The following EHBP1 variants were observed in gnomAD, a reference collection of about 807,000 sequenced individuals.
The protein encoded by EHBP1 is EH domain binding protein 1.
EHBP1 carries 55 observed loss-of-function variants against 144.0 expected under a neutral mutation model. The observed-to-expected ratio is 0.38, with a 90% CI of 0.31 to 0.48. The LOEUF (loss-of-function observed/expected upper bound fraction) is 0.48, where lower values mean the gene tolerates loss of function less well. Ranked by LOEUF, EHBP1 falls within the 20% of genes least tolerant of loss-of-function variation. EHBP1 has a pLI of 0.98. For missense variants in EHBP1, 1,200 were observed against 1,364.2 expected (o/e 0.88, Z 1.90); for synonymous variants, 469 against 472.7 (o/e 0.99, Z 0.10).
At chr2:62,953,217 C>CAAAAAAAAAAAAAAAAAAAAAAAAAA (rs35848429) in intron 13 of EHBP1, among the ~76,000 whole-genome samples, 1 of 64,492 alleles carries the variant, frequency 1.6e-5, no homozygotes, top group Non-Finnish European at 2.7e-5. Flanking sequence ...AAGTCCGTCT[C>CAAAAAAAAAAAAAAAAAAAAAAAAAA]AAAAAAAAAA....
At chr2:62,868,790 A>G (rs1306749948) in intron 9 of EHBP1, among the ~76,000 whole-genome samples, 1 of 151,982 alleles carries the variant, frequency 6.6e-6, no homozygotes, top group South Asian at 2.1e-4. Flanking sequence ...TCTTAAAAAA[A>G]AAATTTTTTT....
At chr2:62,920,590 A>G (rs1167720370) in intron 10 of EHBP1, among the ~76,000 whole-genome samples, 1 of 152,220 alleles carries the variant, frequency 6.6e-6, no homozygotes, top group African/African-American at 2.4e-5. Context: ...TGTTATTGTA[A>G]CAATGGTGTA....
chr2:62,806,847 T>C (rs1439371905), intron 5 of EHBP1, among the ~76,000 whole-genome samples: 1 of 152,152 alleles, frequency 6.6e-6, no homozygotes, highest in Admixed American at 6.5e-5. Context: ...GGAAGTACCT[T>C]ATAATAACGC....
chr2:62,975,070 C>T (rs1044984902), intron 14 of EHBP1, among the ~76,000 whole-genome samples: 1 of 152,104 alleles, frequency 6.6e-6, no homozygotes, highest in East Asian at 1.9e-4. Flanking sequence ...CTCAAAATGG[C>T]GAGAGTCTGA....
intron 5 of EHBP1, among the ~76,000 whole-genome samples, chr2:62,819,914 A>G (rs1351924299): frequency 6.6e-6 from 1 of 152,174 alleles, no homozygotes; most frequent in Non-Finnish European, 1.5e-5. Flanking sequence ...ATGAATATTA[A>G]GAACATGATG....
chr2:62,895,500 CT>C (rs896659040), intron 10 of EHBP1, among the ~76,000 whole-genome samples: 2 of 152,142 alleles, frequency 1.3e-5, no homozygotes, highest in African/African-American at 4.8e-5. Flanking sequence ...CAGTGACTTC[CT>C]TTGATAGATC....
chr2:62,695,298 C>T (rs2034046907), intron 1 of EHBP1, among the ~76,000 whole-genome samples: 1 of 152,048 alleles, frequency 6.6e-6, no homozygotes, highest in Non-Finnish European at 1.5e-5. Flanking sequence ...GAGGTCGAGG[C>T]TGCAGTGAGC....
chr2:62,764,586 A>G (rs1010035360), intron 4 of EHBP1, among the ~76,000 whole-genome samples: 2 of 152,096 alleles, frequency 1.3e-5, no homozygotes, highest in African/African-American at 4.8e-5. Context: ...ATCAGCTGAC[A>G]TAGTTCTTTT....
rs1486628266 is a variant in EHBP1 at position 62,823,708 on chromosome 2, T to C, written c.313-2379T>C. 2.0e-5 allele frequency among the ~76,000 whole-genome samples: 3 copies of C among 152,086 alleles called. No individual in the cohort carries two copies. The South Asian group carries it at 6.2e-4, about 31-fold the overall frequency. The stretch of plus-strand genomic sequence containing the variant: ...TCATTACTATTCTTCTTAAAATGTA[T>C]TTTCTGAGATAGCTAATTTTAAGGA... On this transcript the variant is annotated intron_variant, in intron 5 of 22. Coordinates refer to ENST00000431489, the MANE Select transcript of EHBP1 (RefSeq NM_001142616.3).
chr2:62,782,796 A>G (rs1023451104), intron 5 of EHBP1, among the ~76,000 whole-genome samples: 2 of 152,186 alleles, frequency 1.3e-5, no homozygotes, highest in African/African-American at 4.8e-5. Context: ...GCCAAACCAT[A>G]TCATTCAGTC....
At chr2:62,831,556 G>A (rs1047075701) in intron 7 of EHBP1, among the ~76,000 whole-genome samples, 2 of 152,164 alleles carry the variant, frequency 1.3e-5, no homozygotes, top group Non-Finnish European at 2.9e-5. Flanking sequence ...CTTGAATTAT[G>A]TGGACATTCT....
At chr2:62,973,605 A>G (rs965119447) in intron 14 of EHBP1, among the ~76,000 whole-genome samples, 1 of 152,236 alleles carries the variant, frequency 6.6e-6, no homozygotes, top group Non-Finnish European at 1.5e-5. Flanking sequence ...CATAAAGCAC[A>G]TAGCACATAA....
chr2:63,030,962 AT>A (rs2061222493), intron 19 of EHBP1, among the ~76,000 whole-genome samples: 2 of 150,706 alleles, frequency 1.3e-5, no homozygotes, highest in Admixed American at 1.3e-4. Context: ...CACCCAGCTA[AT>A]TTTTTGTATT....
intron 10 of EHBP1, among the ~76,000 whole-genome samples, chr2:62,877,906 A>C (rs2051029408): frequency 6.6e-6 from 1 of 152,210 alleles, no homozygotes; most frequent in East Asian, 1.9e-4. Flanking sequence ...ACAACGTTAT[A>C]CCACACCTAG....
intron 10 of EHBP1, among the ~76,000 whole-genome samples, chr2:62,919,088 C>G (rs983907045): frequency 2.6e-5 from 4 of 152,144 alleles, no homozygotes; most frequent in African/African-American, 9.7e-5. Context: ...TTGCACAGAG[C>G]TTGTAGAAGC....
intron 2 of EHBP1, among the ~76,000 whole-genome samples, chr2:62,730,097 A>G (rs1253318889): frequency 6.6e-6 from 1 of 152,160 alleles, no homozygotes; most frequent in Non-Finnish European, 1.5e-5. Flanking sequence ...TTAACTTTAA[A>G]ACAATTAATA....
chr2:62,995,580 A>G (rs2153224937), intron 18 of EHBP1, among the ~76,000 whole-genome samples: 1 of 152,212 alleles, frequency 6.6e-6, no homozygotes, highest in Admixed American at 6.5e-5. Context: ...GGGATTTTAC[A>G]GAAGAAGTTT....
At chr2:63,039,202 C>T (rs535372337) in intron 21 of EHBP1, among the ~76,000 whole-genome samples, 1 of 152,256 alleles carries the variant, frequency 6.6e-6, no homozygotes, top group African/African-American at 2.4e-5. Flanking sequence ...CTAAATTTTA[C>T]TTTAATTGAT....
At chr2:63,038,321 G>A (rs1376751060) in intron 20 of EHBP1, among the ~76,000 whole-genome samples, 1 of 152,004 alleles carries the variant, frequency 6.6e-6, no homozygotes, top group African/African-American at 2.4e-5. Context: ...TTATGAAGAA[G>A]CACAAAACTT....
Sources: allele counts gnomAD v4.1 joint callset (sites outside exome capture counted in the v4.1 genomes callset), GRCh38; gene constraint gnomAD v4.1.1; transcripts MANE v1.5; gene names NCBI Gene and HGNC (gene_info 2026-07-23, HGNC 2026-07-21).